The following RHOJ variants were observed in gnomAD, a reference collection of about 807,000 sequenced individuals.
The protein encoded by RHOJ is ras homolog family member J.
Under a neutral mutation model 23.4 loss-of-function variants are expected in RHOJ, and 11 were observed. The observed-to-expected ratio is 0.47, with a 90% confidence interval of 0.30 to 0.78. The LOEUF is 0.78. Ranked by LOEUF, RHOJ falls within the 30% of genes least tolerant of loss-of-function variation. The pLI, the probability that RHOJ is intolerant of heterozygous loss-of-function variation, is 0.08. For synonymous variants in RHOJ, 102 were observed against 102.7 expected, an observed-to-expected ratio of 0.99 and a Z score of 0.04; for missense variants, 254 against 273.4, an observed-to-expected ratio of 0.93 and a Z score of 0.50.
intron 1 of RHOJ, among the ~76,000 whole-genome samples, chr14:63,261,147 C>G (rs887890261): frequency 2.6e-5 from 4 of 152,156 alleles, no homozygotes; most frequent in African/African-American, 9.7e-5. Context: ...TTGTATCTCT[C>G]TTTAATTTAA....
At chr14:63,214,546 G>C (rs1219839599) in intron 1 of RHOJ, among the ~76,000 whole-genome samples, 2 of 152,194 alleles carry the variant, frequency 1.3e-5, no homozygotes, top group African/African-American at 4.8e-5. Flanking sequence ...GTGCCTCTTG[G>C]AAACGGCTAG....
chr14:63,262,926 G>A (rs1895298305), intron 1 of RHOJ, among the ~76,000 whole-genome samples: 1 of 152,218 alleles, frequency 6.6e-6, no homozygotes, highest in Non-Finnish European at 1.5e-5. Flanking sequence ...ATCACACCAT[G>A]TGCCAGTTAA....
Position 63,204,859 on chromosome 14 carries a change from G to C in RHOJ, c.-11G>C. On this transcript the variant is annotated 5_prime_UTR_variant, in exon 1 of 5. Coordinates refer to ENST00000316754, the MANE Select transcript of RHOJ (RefSeq NM_020663.5). Reference sequence around the variant, plus strand: ...TAGCAGCAGGAGTCCCCAGCAGCTGGAGCCGCAAGAATGAACTGCAAAGAG... The same window carrying C: ...TAGCAGCAGGAGTCCCCAGCAGCTGCAGCCGCAAGAATGAACTGCAAAGAG... 6.2e-7 allele frequency: 1 copy of C among 1,608,366 alleles called. No homozygotes were observed. Among genetic ancestry groups the C allele is most frequent in the Non-Finnish European group, 8.5e-7 (1 of 1,177,156 alleles).
At chr14:63,246,444 G>T (rs1345895045) in intron 1 of RHOJ, among the ~76,000 whole-genome samples, 1 of 152,156 alleles carries the variant, frequency 6.6e-6, no homozygotes, top group Non-Finnish European at 1.5e-5. Context: ...TTTGAAACCA[G>T]ACAAACTGGT....
intron 1 of RHOJ, among the ~76,000 whole-genome samples, chr14:63,263,967 C>T (rs1312446706): frequency 1.3e-5 from 2 of 148,366 alleles, no homozygotes; most frequent in African/African-American, 5.2e-5. Context: ...GACACCCCCT[C>T]CTCCAGAAAG....
intron 1 of RHOJ, among the ~76,000 whole-genome samples, chr14:63,261,785 G>A (rs1265931729): frequency 1.3e-5 from 2 of 152,040 alleles, no homozygotes; most frequent in Non-Finnish European, 2.9e-5. Context: ...TCTTCAAAAT[G>A]CTCTTTGAAC....
At chr14:63,212,081 C>T (rs1353175603) in intron 1 of RHOJ, among the ~76,000 whole-genome samples, 2 of 152,224 alleles carry the variant, frequency 1.3e-5, no homozygotes, top group South Asian at 2.1e-4. Flanking sequence ...AGGCTTCTCA[C>T]ATCTGGTAAC....
rs1193430230 is a variant in RHOJ at position 63,230,841 on chromosome 14, C to T, written c.178+25794C>T. ...AATGGAAGTTTACAAGGGTACAAGG[C>T]TTTTTTTTTTTTTTTTTTAGATGGA... On this transcript the variant is annotated intron_variant, in intron 1 of 4. Coordinates refer to ENST00000316754, the MANE Select transcript of RHOJ (RefSeq NM_020663.5). 5.6e-4 allele frequency among the ~76,000 whole-genome samples: 53 copies of T among 95,250 alleles called. 1 individual carries two copies. Among genetic ancestry groups the T allele is most frequent in the African/African-American group, 1.5e-3 (30 of 19,812 alleles). 62.5% of individuals were successfully genotyped at this position (95,250 alleles called of 152,430 possible).
intron 1 of RHOJ, among the ~76,000 whole-genome samples, chr14:63,224,917 A>C (rs148940812): frequency 6.6e-6 from 1 of 150,982 alleles, no homozygotes; most frequent in East Asian, 2.0e-4. Context: ...TCTCAGATGT[A>C]TCCAACTATC....
chr14:63,258,452 A>G (rs1566621844), intron 1 of RHOJ, among the ~76,000 whole-genome samples: 1 of 82,664 alleles, frequency 1.2e-5, no homozygotes, highest in East Asian at 4.5e-4. Context: ...TGTTTAAAAT[A>G]TATATATATA....
chr14:63,219,654 A>C (rs554624167), intron 1 of RHOJ, among the ~76,000 whole-genome samples: 4 of 152,226 alleles, frequency 2.6e-5, no homozygotes, highest in Non-Finnish European at 5.9e-5. Context: ...TGTCTCTACT[A>C]AAAATACAAA....
intron 2 of RHOJ, among the ~76,000 whole-genome samples, chr14:63,276,332 G>C (rs1408022996): frequency 6.6e-6 from 1 of 152,098 alleles, no homozygotes; most frequent in Non-Finnish European, 1.5e-5. Flanking sequence ...TAATCTTTAA[G>C]GCCTTTTCTA....
At chr14:63,270,170 C>CTT (rs10680889) in intron 2 of RHOJ, among the ~76,000 whole-genome samples, 11,376 of 128,060 alleles carry the variant, frequency 0.089, 886 homozygotes, top group African/African-American at 0.2. Flanking sequence ...TCGTCTAGGC[C>CTT]TTTTTTTTTT....
intron 1 of RHOJ, among the ~76,000 whole-genome samples, chr14:63,235,908 G>C (rs1199961455): frequency 6.6e-6 from 1 of 152,152 alleles, no homozygotes; most frequent in Non-Finnish European, 1.5e-5. Context: ...CAAAATATAA[G>C]TTTATAGCTT....
chr14:63,265,731 G>A (rs777920621), intron 1 of RHOJ, among the ~76,000 whole-genome samples: 6 of 152,250 alleles, frequency 3.9e-5, no homozygotes, highest in Non-Finnish European at 5.9e-5. Context: ...GGGGGGGACA[G>A]AAGTTACAGA....
At chr14:63,256,060 G>GT (rs1005220244) in intron 1 of RHOJ, among the ~76,000 whole-genome samples, 38 of 152,002 alleles carry the variant, frequency 2.5e-4, no homozygotes, top group Admixed American at 2.0e-3. Flanking sequence ...TTGTTTGCTT[G>GT]TTTTTTTGGT....
chr14:63,232,343 G>A (rs1209303859), intron 1 of RHOJ, among the ~76,000 whole-genome samples: 1 of 152,174 alleles, frequency 6.6e-6, no homozygotes, highest in Non-Finnish European at 1.5e-5. Flanking sequence ...ACATTTTGCT[G>A]ATCCAATATA....
At chr14:63,287,599 G>GT (rs200884009) in intron 4 of RHOJ, among the ~76,000 whole-genome samples, 632 of 139,278 alleles carry the variant, frequency 4.5e-3, no homozygotes, top group East Asian at 0.016. Flanking sequence ...AGTCATTACG[G>GT]TTTTTTTTTT....
At chr14:63,273,502 G>T (rs1895508738) in intron 2 of RHOJ, among the ~76,000 whole-genome samples, 2 of 152,246 alleles carry the variant, frequency 1.3e-5, no homozygotes, top group African/African-American at 2.4e-5. Context: ...GGACAGCAGG[G>T]TGTTGGTTGG....
Sources: allele counts gnomAD v4.1 joint callset (sites outside exome capture counted in the v4.1 genomes callset), GRCh38; gene constraint gnomAD v4.1.1; transcripts MANE v1.5; gene names NCBI Gene and HGNC (gene_info 2026-07-23, HGNC 2026-07-21).